SLC44A5: variants seen among roughly 807,000 people sequenced by gnomAD.
The protein encoded by SLC44A5 is choline transporter-like protein 5.
SLC44A5 carries 57 observed loss-of-function variants against 101.8 expected under a neutral mutation model. The ratio of observed to expected loss-of-function variants is 0.56; its 90% CI spans 0.45 to 0.70. SLC44A5 has a LOEUF of 0.70. Ranked by LOEUF, SLC44A5 falls within the 30% of genes least tolerant of loss-of-function variation. SLC44A5 has a pLI of 0.00. For missense variants in SLC44A5, 737 were observed against 853.1 expected (o/e 0.86, Z 1.70); for synonymous variants, 281 against 290.9 (o/e 0.97, Z 0.35).
chr1:75,554,684 G>T (rs560421779), intron 1 of SLC44A5, among the ~76,000 whole-genome samples: 7 of 152,138 alleles, frequency 4.6e-5, no homozygotes, highest in South Asian at 2.1e-4. Context: ...GATTTGATAA[G>T]CCATGTTAGG....
At chr1:75,636,917 C>A in the SLC44A5 span, among the ~76,000 whole-genome samples, 1 of 151,810 alleles carries the variant, frequency 6.6e-6, no homozygotes, top group Non-Finnish European at 1.5e-5. Flanking sequence ...GCAGGAAGAA[C>A]AAGGCTTATT....
At chr1:75,209,899 G>A (rs988206010) in intron 23 of SLC44A5, among the ~76,000 whole-genome samples, 4 of 152,240 alleles carry the variant, frequency 2.6e-5, no homozygotes, top group African/African-American at 9.6e-5. Flanking sequence ...GTGTAGTTGT[G>A]CAGCTAACAA....
chr1:75,475,455 T>C (rs867462918), intron 2 of SLC44A5, among the ~76,000 whole-genome samples: 1 of 152,354 alleles, frequency 6.6e-6, no homozygotes, highest in East Asian at 1.9e-4. Flanking sequence ...TTTCTCTGAT[T>C]ACTCAGAAAG....
Position 75,376,257 on chromosome 1 carries a change from G to A in SLC44A5, c.52+20326C>T, listed in dbSNP as rs374913965. 7.2e-5 allele frequency among the ~76,000 whole-genome samples: 11 copies of A among 152,368 alleles called. No homozygotes were observed. The South Asian group carries it at 1.2e-3, about 17-fold the overall frequency. ...AACTGCAAGGCGGCAGCGAGGCTGG[G>A]GGAGGGGCGCCCGCCATTGCCCAGG... On this transcript the variant is annotated intron_variant, in intron 3 of 23. Coordinates refer to ENST00000370859, the MANE Select transcript of SLC44A5 (RefSeq NM_001130058.2).
At chr1:75,265,686 G>A (rs1030863127) in intron 6 of SLC44A5, among the ~76,000 whole-genome samples, 1 of 152,000 alleles carries the variant, frequency 6.6e-6, no homozygotes, top group Non-Finnish European at 1.5e-5. Context: ...CCATAGATAG[G>A]TACAAATATT....
intron 2 of SLC44A5, among the ~76,000 whole-genome samples, chr1:75,424,915 CA>C (rs1664219410): frequency 1.3e-5 from 2 of 152,128 alleles, no homozygotes; most frequent in South Asian, 4.1e-4. Flanking sequence ...ACAAACAATT[CA>C]TTTGAAAAGT....
the SLC44A5 span, chr1:75,677,718 A>G: frequency 0.014 from 5,946 of 436,840 alleles, 348 homozygotes; most frequent in African/African-American, 0.11. Context: ...ACCCAGTGCA[A>G]TCATCTGTTA....
chr1:75,405,275 C>T (rs1022039389), intron 2 of SLC44A5, among the ~76,000 whole-genome samples: 11 of 152,188 alleles, frequency 7.2e-5, no homozygotes, highest in African/African-American at 2.2e-4. Context: ...TAACACCCCA[C>T]TGTCAATATT....
intron 5 of SLC44A5, among the ~76,000 whole-genome samples, chr1:75,297,604 G>A (rs1654065446): frequency 6.6e-6 from 1 of 152,162 alleles, no homozygotes; most frequent in Non-Finnish European, 1.5e-5. Context: ...AAAATTTATT[G>A]AATGTTAAAA....
At chr1:75,668,498 GAGA>G in the SLC44A5 span, among the ~76,000 whole-genome samples, 5 of 150,310 alleles carry the variant, frequency 3.3e-5, no homozygotes, top group South Asian at 8.4e-4. Flanking sequence ...TTAATTTTTT[GAGA>G]AGGAGTTTCA....
chr1:75,376,580 C>A (rs1660634008), intron 3 of SLC44A5, among the ~76,000 whole-genome samples: 1 of 152,152 alleles, frequency 6.6e-6, no homozygotes, highest in African/African-American at 2.4e-5. Flanking sequence ...ACTGACACCT[C>A]ACACGGCAGG....
At chr1:75,525,226 T>A (rs1209068108) in intron 2 of SLC44A5, among the ~76,000 whole-genome samples, 2 of 152,072 alleles carry the variant, frequency 1.3e-5, no homozygotes, top group African/African-American at 4.8e-5. Flanking sequence ...AAGTGAAAAA[T>A]AAACCTTCAC....
chr1:75,547,162 G>C (rs1671695081), intron 1 of SLC44A5, among the ~76,000 whole-genome samples: 1 of 152,118 alleles, frequency 6.6e-6, no homozygotes, highest in African/African-American at 2.4e-5. Flanking sequence ...TGAAACCTGT[G>C]CAGGAGACCA....
At chr1:75,527,645 A>G (rs561068316) in intron 2 of SLC44A5, among the ~76,000 whole-genome samples, 6 of 152,276 alleles carry the variant, frequency 3.9e-5, no homozygotes, top group African/African-American at 1.2e-4. Context: ...ATTTCCAATG[A>G]ACAATTTTAC....
the SLC44A5 span, among the ~76,000 whole-genome samples, chr1:75,697,117 T>C: frequency 6.6e-6 from 1 of 152,064 alleles, no homozygotes; most frequent in African/African-American, 2.4e-5. Context: ...ATTTAAAAAG[T>C]AGTTAAGGGA....
chr1:75,585,884 G>A (rs1211927906), intron 1 of SLC44A5, among the ~76,000 whole-genome samples: 1 of 152,128 alleles, frequency 6.6e-6, no homozygotes, highest in Admixed American at 6.5e-5. Flanking sequence ...AGCTCTGAGA[G>A]GAAGTTCAAG....
intron 18 of SLC44A5, 118 bp downstream of exon 18, chr1:75,217,748 G>T: frequency 1.4e-6 from 1 of 706,784 alleles, no homozygotes; most frequent in South Asian, 1.6e-5. Flanking sequence ...GAACAGAACG[G>T]GTCCCAAATA....
intron 5 of SLC44A5, among the ~76,000 whole-genome samples, chr1:75,289,797 T>G (rs970361307): frequency 3.3e-5 from 5 of 152,064 alleles, no homozygotes; most frequent in Non-Finnish European, 7.4e-5. Context: ...ACCGAAAGAG[T>G]AGAAGATCTG....
chr1:75,666,657 T>C, the SLC44A5 span, among the ~76,000 whole-genome samples: 1 of 152,174 alleles, frequency 6.6e-6, no homozygotes, highest in South Asian at 2.1e-4. Context: ...TTCAGGCCAA[T>C]ATCACTGATG....
Sources: gnomAD v4.1 joint callset for allele counts (sites outside exome capture counted in the v4.1 genomes callset) on GRCh38, gnomAD v4.1.1 for gene constraint, MANE v1.5 for transcripts, NCBI Gene and HGNC (gene_info 2026-07-23, HGNC 2026-07-21) for gene names.